BMPR1A: variants seen among roughly 807,000 people sequenced by gnomAD.
BMPR1A encodes the protein bone morphogenetic protein receptor type 1A, also known as bone morphogenetic protein receptor type-1A.
A neutral mutation model predicts 66.0 loss-of-function variants in BMPR1A; 7 were observed. The observed-to-expected ratio is 0.11, with a 90% CI of 0.06 to 0.20. The LOEUF (loss-of-function observed/expected upper bound fraction) is 0.20, where lower values mean the gene tolerates loss of function less well. Among genes scored for constraint, BMPR1A ranks in the 10% least tolerant of loss-of-function variants. The pLI, the probability that BMPR1A is intolerant of heterozygous loss-of-function variation, is 1.00. For missense variants in BMPR1A, 408 were observed against 669.1 expected (o/e 0.61, Z 4.31); for synonymous variants, 200 against 229.7 (o/e 0.87, Z 1.17).
In BMPR1A at chr10:86,778,602, C is replaced by T. The variant is rs571458785; in HGVS notation, c.-268+21683C>T. ...ATTTATAATTTCTTTTTGTTCGGAACGTTTGATATTCTCCTTCTAGCTATT... is the reference window on the plus strand; with the variant it reads ...ATTTATAATTTCTTTTTGTTCGGAATGTTTGATATTCTCCTTCTAGCTATT... On this transcript the variant is annotated intron_variant, in intron 1 of 12. Transcript: ENST00000372037. 7.9e-5 allele frequency among the ~76,000 whole-genome samples: 12 copies of T among 152,166 alleles called. No individual in the cohort carries two copies. The South Asian group carries it at 2.3e-3, about 29-fold the overall frequency.
At chr10:86,837,071 C>G (rs373132716) in intron 1 of BMPR1A, among the ~76,000 whole-genome samples, 6 of 152,128 alleles carry the variant, frequency 3.9e-5, no homozygotes, top group Non-Finnish European at 8.8e-5. Context: ...TTATGTTATT[C>G]GCTATTTTTT....
At chr10:86,871,233 C>T (rs1013295326) in intron 2 of BMPR1A, among the ~76,000 whole-genome samples, 2 of 152,150 alleles carry the variant, frequency 1.3e-5, no homozygotes, top group Admixed American at 1.3e-4. Context: ...GCCCCTATTC[C>T]TTCAGGACCT....
intron 1 of BMPR1A, among the ~76,000 whole-genome samples, chr10:86,804,855 A>G (rs1841868063): frequency 7.7e-6 from 1 of 129,678 alleles, no homozygotes; most frequent in South Asian, 2.4e-4. Flanking sequence ...GGTTTAGAAT[A>G]GCAGAAATTT....
chr10:86,818,052 C>T (rs1208263915), intron 1 of BMPR1A, among the ~76,000 whole-genome samples: 1 of 152,096 alleles, frequency 6.6e-6, no homozygotes, highest in Non-Finnish European at 1.5e-5. Flanking sequence ...GGAGTCTCAC[C>T]GTGTTGCCCA....
chr10:86,924,482 C>T lies in BMPR1A; in HGVS notation c.*763C>T, dbSNP rs564673436. The T allele has an allele frequency of 1.2e-3, 280 of 233,610 alleles. No individual in the cohort carries two copies. Among genetic ancestry groups the T allele is most frequent in the African/African-American group, 5.9e-3 (269 of 45,450 alleles). 14.5% of individuals were successfully genotyped at this position (233,610 alleles called of 1,614,324 possible). A position where few individuals can be genotyped will look rare whatever the true frequency, so the allele number is the denominator to read the frequency against. ...CAAGGCCAAAAGAAGTTTAAAGCAT[C>T]TGTAAATTTGGACTGTTTTCCTTCA... On this transcript the variant is annotated 3_prime_UTR_variant, in exon 13 of 13. Transcript: ENST00000372037.
chr10:86,819,464 C>A (rs900272214), intron 1 of BMPR1A, among the ~76,000 whole-genome samples: 5 of 152,144 alleles, frequency 3.3e-5, no homozygotes, highest in African/African-American at 9.7e-5. Flanking sequence ...CCATGCCCAA[C>A]TAATTTTTGT....
intron 1 of BMPR1A, among the ~76,000 whole-genome samples, chr10:86,765,033 A>C (rs1841140132): frequency 6.6e-6 from 1 of 151,940 alleles, no homozygotes; most frequent in East Asian, 1.9e-4. Context: ...TAACGTGGTG[A>C]GACCTTGTCT....
In BMPR1A at chr10:86,818,897, TTTG is replaced by T. The variant is rs1055089651; in HGVS notation, c.-267-19959_-267-19957del. Among the ~76,000 whole-genome samples the T allele has an allele frequency of 2.3e-4, 35 of 152,284 alleles. No individual in the cohort carries two copies. In the East Asian group the frequency reaches 2.3e-3, roughly 10 times the overall value. On this transcript the variant is annotated intron_variant, in intron 1 of 12. Transcript: ENST00000372037. ...AAGAAGGCAAGATTTTTTGGATTTT[TTTG>T]TTGTTGTTCATTGCTGTATGCTGAG... is the stretch of plus-strand genomic sequence containing the variant.
intron 7 of BMPR1A, among the ~76,000 whole-genome samples, chr10:86,911,388 G>C (rs1423057922): frequency 6.6e-6 from 1 of 152,064 alleles, no homozygotes; most frequent in Non-Finnish European, 1.5e-5. Context: ...ATTATATAAT[G>C]AACGCCTACA....
chr10:86,803,304 C>T, intron 1 of BMPR1A, among the ~76,000 whole-genome samples: 1 of 149,540 alleles, frequency 6.7e-6, no homozygotes, highest in Non-Finnish European at 1.5e-5. Flanking sequence ...TGATCTCAAA[C>T]TCCTGGCTTC....
At chr10:86,879,603 A>G (rs1019443089) in intron 3 of BMPR1A, among the ~76,000 whole-genome samples, 1 of 152,184 alleles carries the variant, frequency 6.6e-6, no homozygotes, top group Non-Finnish European at 1.5e-5. Flanking sequence ...ATATGCTAAA[A>G]TGCTCATGTT....
At chr10:86,780,774 C>T (rs761090388) in intron 1 of BMPR1A, among the ~76,000 whole-genome samples, 8 of 151,980 alleles carry the variant, frequency 5.3e-5, no homozygotes, top group Non-Finnish European at 8.8e-5. Flanking sequence ...TTCTGATGGG[C>T]AAAGAACCAG....
At chr10:86,928,248 G>A (rs1356414868), downstream of BMPR1A, 1 of 137,982 alleles carries the variant, frequency 7.2e-6, no homozygotes, top group Admixed American at 7.5e-5. Context: ...TTGAGACGGA[G>A]TTTTGCTCTT....
chr10:86,906,685 C>T (rs1843393989), intron 7 of BMPR1A, among the ~76,000 whole-genome samples: 1 of 33,268 alleles, frequency 3.0e-5, no homozygotes, highest in Non-Finnish European at 4.1e-5. Context: ...CATCGCGCCA[C>T]TGCACTCCAG....
chr10:86,761,368 G>A (rs931404759), intron 1 of BMPR1A, among the ~76,000 whole-genome samples: 6 of 152,340 alleles, frequency 3.9e-5, no homozygotes, highest in Middle Eastern at 3.4e-3. Flanking sequence ...TGGAACAGTG[G>A]AGCTTGGCTC....
rs78362132 is a variant in BMPR1A, at chr10:86,811,986, T to C, written c.-267-26879T>C. Reference sequence around the variant, plus strand: ...GTCCTGGCTGTTCGGGAGGCTGAGATGAGAGGATTGTTTGAGCCCAGGAAT... The same window carrying C: ...GTCCTGGCTGTTCGGGAGGCTGAGACGAGAGGATTGTTTGAGCCCAGGAAT... On this transcript the variant is annotated intron_variant, in intron 1 of 12. Coordinates refer to ENST00000372037, the MANE Select transcript of BMPR1A (RefSeq NM_004329.3). Among the ~76,000 whole-genome samples the C allele has an allele frequency of 8.9e-3, 1,340 of 150,614 alleles. 24 individuals carry two copies. The highest frequency in any genetic ancestry group is 0.03 in the African/African-American group (1,228 of 40,958).
At chr10:86,801,680 C>G (rs1452642284) in intron 1 of BMPR1A, among the ~76,000 whole-genome samples, 1 of 151,988 alleles carries the variant, frequency 6.6e-6, no homozygotes, top group African/African-American at 2.4e-5. Flanking sequence ...TGCAACACTT[C>G]CTGTCCTTCA....
At chr10:86,856,649 T>C (rs1333517638) in intron 2 of BMPR1A, among the ~76,000 whole-genome samples, 1 of 152,208 alleles carries the variant, frequency 6.6e-6, no homozygotes, top group East Asian at 1.9e-4. Flanking sequence ...TGTTTAAATA[T>C]TTTATATGTA....
intron 1 of BMPR1A, among the ~76,000 whole-genome samples, chr10:86,792,472 T>C (rs1841641611): frequency 6.6e-6 from 1 of 152,204 alleles, no homozygotes; most frequent in Non-Finnish European, 1.5e-5. Flanking sequence ...AGCTTCTTTA[T>C]GGTCAGGAAA....
Sources: allele counts gnomAD v4.1 joint callset (sites outside exome capture counted in the v4.1 genomes callset), GRCh38; gene constraint gnomAD v4.1.1; transcripts MANE v1.5; gene names NCBI Gene and HGNC (gene_info 2026-07-23, HGNC 2026-07-21).